Variants in CSTPP1 observed in about 807,000 individuals in gnomAD.
The protein encoded by CSTPP1 is UPF0705 protein C11orf49.
At chr11:47,097,451 T>TGG in the CSTPP1 span, among the ~76,000 whole-genome samples, 1 of 20,838 alleles carries the variant, frequency 4.8e-5, no homozygotes, top group African/African-American at 2.2e-4. Context: ...GGGAGGGAGG[T>TGG]GGGGGGGGGT....
chr11:47,151,792 A>G, the CSTPP1 span, among the ~76,000 whole-genome samples: 245 of 151,638 alleles, frequency 1.6e-3, no homozygotes, highest in Admixed American at 2.6e-3. Context: ...TCCCCCAGAA[A>G]GAAAGCCCTC....
the CSTPP1 span, among the ~76,000 whole-genome samples, chr11:47,119,705 G>A: frequency 4.7e-5 from 7 of 149,292 alleles, no homozygotes; most frequent in East Asian, 2.1e-4. Context: ...TCCACCTCCC[G>A]GGTTCAAGCA....
At chr11:47,038,075 C>G in the CSTPP1 span, among the ~76,000 whole-genome samples, 1 of 101,674 alleles carries the variant, frequency 9.8e-6, no homozygotes, top group Non-Finnish European at 2.5e-5. Context: ...CCTCACCTCC[C>G]GGATGGGGCG....
the CSTPP1 span, chr11:47,161,031 C>G: frequency 6.6e-7 from 1 of 1,515,744 alleles, no homozygotes. Context: ...GCAGGGTCAG[C>G]AGAACAGGCA....
chr11:46,944,547 C>T, the CSTPP1 span, among the ~76,000 whole-genome samples: 1 of 152,060 alleles, frequency 6.6e-6, no homozygotes, highest in African/African-American at 2.4e-5. Context: ...ACACCTTGTT[C>T]ACACTGAGGT....
chr11:47,141,074 T>C, the CSTPP1 span, among the ~76,000 whole-genome samples: 2 of 152,196 alleles, frequency 1.3e-5, no homozygotes, highest in Non-Finnish European at 2.9e-5. Context: ...ATTCATCAAA[T>C]GTTTCTTTTT....
the CSTPP1 span, among the ~76,000 whole-genome samples, chr11:47,149,725 C>A: frequency 1.3e-5 from 2 of 152,118 alleles, no homozygotes; most frequent in Non-Finnish European, 1.5e-5. Context: ...TTAAAAGCAC[C>A]TTTCAGTAAG....
chr11:47,083,445 C>T, the CSTPP1 span, among the ~76,000 whole-genome samples: 4 of 152,034 alleles, frequency 2.6e-5, no homozygotes, highest in Non-Finnish European at 5.9e-5. Context: ...AACATGTTTT[C>T]AGTTCTCTTG....
the CSTPP1 span, among the ~76,000 whole-genome samples, chr11:46,953,883 A>G: frequency 6.6e-6 from 1 of 152,230 alleles, no homozygotes; most frequent in South Asian, 2.1e-4. Context: ...AAATGGAGCT[A>G]GAAATTGGTG....
At chr11:47,013,903 G>A in the CSTPP1 span, among the ~76,000 whole-genome samples, 6 of 152,102 alleles carry the variant, frequency 3.9e-5, no homozygotes, top group Non-Finnish European at 8.8e-5. Flanking sequence ...AGCATCTGTT[G>A]TTTTTTGACT....
the CSTPP1 span, among the ~76,000 whole-genome samples, chr11:47,078,451 A>AT: frequency 6.6e-6 from 1 of 152,190 alleles, no homozygotes; most frequent in Non-Finnish European, 1.5e-5. Flanking sequence ...TCTATGAAAG[A>AT]TTTTTTAGAT....
chr11:47,136,060 T>C, the CSTPP1 span, among the ~76,000 whole-genome samples: 3 of 152,166 alleles, frequency 2.0e-5, no homozygotes, highest in Non-Finnish European at 4.4e-5. Context: ...ATTTGGGGGA[T>C]AAATGTAAGT....
the CSTPP1 span, among the ~76,000 whole-genome samples, chr11:47,152,211 T>C: frequency 1.3e-5 from 2 of 150,992 alleles, no homozygotes; most frequent in Non-Finnish European, 2.9e-5. Context: ...TCTGCACCAC[T>C]GCACTCCAGC....
the CSTPP1 span, among the ~76,000 whole-genome samples, chr11:47,125,131 G>T: frequency 6.6e-6 from 1 of 152,092 alleles, no homozygotes; most frequent in Non-Finnish European, 1.5e-5. Context: ...TATAGATAGG[G>T]TACATTACAT....
At chr11:47,148,813 G>A in the CSTPP1 span, among the ~76,000 whole-genome samples, 3 of 152,188 alleles carry the variant, frequency 2.0e-5, no homozygotes. Context: ...TCACAGATGA[G>A]GAAACTGAGG....
chr11:47,052,365 C>T, the CSTPP1 span: 15 of 1,606,690 alleles, frequency 9.3e-6, no homozygotes, highest in African/African-American at 1.9e-4. Context: ...CTAACAATGA[C>T]TTCTTGACTT....
the CSTPP1 span, among the ~76,000 whole-genome samples, chr11:47,031,715 T>TAA: frequency 2.0e-5 from 3 of 147,620 alleles, no homozygotes; most frequent in African/African-American, 5.0e-5. Context: ...TTTTTTTTTT[T>TAA]AAAAGAGATC....
chr11:46,969,763 C>G, the CSTPP1 span, among the ~76,000 whole-genome samples: 1 of 152,078 alleles, frequency 6.6e-6, no homozygotes, highest in Non-Finnish European at 1.5e-5. Context: ...ATAAACCCCA[C>G]AAACATAATG....
the CSTPP1 span, among the ~76,000 whole-genome samples, chr11:47,043,786 G>A: frequency 1.3e-5 from 2 of 152,078 alleles, no homozygotes; most frequent in Non-Finnish European, 2.9e-5. Context: ...GAGCCCAGGA[G>A]TTTGAGACCA....
Sources: gnomAD v4.1 joint callset for allele counts (sites outside exome capture counted in the v4.1 genomes callset) on GRCh38, gnomAD v4.1.1 for gene constraint, MANE v1.5 for transcripts, NCBI Gene and HGNC (gene_info 2026-07-23, HGNC 2026-07-21) for gene names.